The following PTPN14 variants were observed in gnomAD, a reference collection of about 807,000 sequenced individuals.
The protein encoded by PTPN14 is tyrosine-protein phosphatase non-receptor type 14.
Under a neutral mutation model 126.8 loss-of-function variants are expected in PTPN14, and 53 were observed. The observed-to-expected ratio is 0.42, with a 90% CI of 0.34 to 0.53. PTPN14 has a LOEUF of 0.53. Ranked by LOEUF, PTPN14 falls within the 20% of genes least tolerant of loss-of-function variation. PTPN14 has a pLI of 0.08. For synonymous variants in PTPN14, 630 were observed against 599.3 expected, an observed-to-expected ratio of 1.05 and a Z score of -0.75; for missense variants, 1,257 against 1,552.9, an observed-to-expected ratio of 0.81 and a Z score of 3.20.
chr1:214,424,442 A>T (rs1659614347), intron 3 of PTPN14, among the ~76,000 whole-genome samples: 1 of 152,194 alleles, frequency 6.6e-6, no homozygotes, highest in Non-Finnish European at 1.5e-5. Context: ...CAGCAATATG[A>T]GAGATAATTC....
At chr1:214,474,900 G>A (rs1227170833) in intron 1 of PTPN14, among the ~76,000 whole-genome samples, 2 of 152,338 alleles carry the variant, frequency 1.3e-5, no homozygotes, top group East Asian at 3.9e-4. Flanking sequence ...CTTAGAACAT[G>A]CAGGTTTTCA....
chr1:214,542,480 G>A (rs1380965229), intron 1 of PTPN14, among the ~76,000 whole-genome samples: 1 of 152,154 alleles, frequency 6.6e-6, no homozygotes, highest in Non-Finnish European at 1.5e-5. Flanking sequence ...GTTACAGGCA[G>A]GGACATGGGG....
intron 1 of PTPN14, among the ~76,000 whole-genome samples, chr1:214,540,077 T>C (rs956978704): frequency 6.6e-6 from 1 of 152,172 alleles, no homozygotes; most frequent in Non-Finnish European, 1.5e-5. Context: ...TAATATTCCA[T>C]AAGAAATTCC....
rs1268461064 is a variant in PTPN14 at position 214,364,754 on chromosome 1, G to C, written c.3272-79C>G. The C allele has an allele frequency of 8.0e-6, 10 of 1,252,596 alleles. No individual in the cohort carries two copies. The highest frequency in any genetic ancestry group is 5.2e-5 in the African/African-American group (3 of 57,386). The allele number at this position is 1,252,596 out of a possible 1,614,324, so 77.6% of individuals were successfully genotyped here. A position where few individuals can be genotyped will look rare whatever the true frequency, so the allele number is the denominator to read the frequency against. On this transcript the variant is annotated intron_variant, in intron 17 of 18. Transcript: ENST00000366956. This position sits in a 1 kb window ranked among gnomAD's most constrained non-coding sequence, Gnocchi z 4.1. ...AAGTTGGGGAGGGGGGAGCGGAAGA[G>C]AACTGATGGTGAGTGTGTGTGTGTG...
intron 3 of PTPN14, among the ~76,000 whole-genome samples, chr1:214,432,193 G>A (rs1440981331): frequency 1.4e-4 from 21 of 147,070 alleles, no homozygotes; most frequent in African/African-American, 1.3e-4. Context: ...CCTGTCTCAA[G>A]AAAAAAAAAA....
At chr1:214,504,735 G>A (rs1055559368) in intron 1 of PTPN14, among the ~76,000 whole-genome samples, 1 of 152,148 alleles carries the variant, frequency 6.6e-6, no homozygotes, top group Admixed American at 6.5e-5. Flanking sequence ...TTAATCGAGG[G>A]GAGACCAATC....
At chr1:214,497,870 A>G (rs1169433159) in intron 1 of PTPN14, among the ~76,000 whole-genome samples, 1 of 152,214 alleles carries the variant, frequency 6.6e-6, no homozygotes, top group South Asian at 2.1e-4. Context: ...GAAAATATAA[A>G]ACTATATCAG....
In PTPN14 at chr1:214,383,512, C is replaced by T; in HGVS notation, c.2343G>A (p.Leu781=). 1 of 1,614,164 alleles carries T rather than the reference C, an allele frequency of 6.2e-7. No homozygotes were observed. Among genetic ancestry groups the T allele is most frequent in the South Asian group, 1.1e-5 (1 of 91,084 alleles). ...TGATGGCCTTGGCTGGCCCATGCCTCAGCACCCTGGCTCTGGCCATGGCGG... is the reference window on the plus strand; with the variant it reads ...TGATGGCCTTGGCTGGCCCATGCCTTAGCACCCTGGCTCTGGCCATGGCGG... The part of the protein sequence containing the change: ...LPPAMARARV[L]RHGPAKAISM... The change falls in exon 13 of 19, where the codon CTG becomes CTA. Residue 781 remains leucine (L), a synonymous_variant. Transcript: ENST00000366956. The surrounding 1 kb of genome is among the most constrained non-coding windows in gnomAD (Gnocchi z 4.4).
chr1:214,534,496 G>A (rs11582669), intron 1 of PTPN14, among the ~76,000 whole-genome samples: 2,241 of 151,944 alleles, frequency 0.015, 36 homozygotes, highest in Non-Finnish European at 0.021. Flanking sequence ...GGCGGATCAC[G>A]AGGTCAGGAG....
At chr1:214,466,554 G>T (rs1211859570) in intron 1 of PTPN14, among the ~76,000 whole-genome samples, 1 of 152,094 alleles carries the variant, frequency 6.6e-6, no homozygotes, top group Non-Finnish European at 1.5e-5. Context: ...AACAAAAGTG[G>T]CCTTATTGCT....
chr1:214,527,823 T>C (rs929559392), intron 1 of PTPN14, among the ~76,000 whole-genome samples: 7 of 152,240 alleles, frequency 4.6e-5, no homozygotes, highest in African/African-American at 1.4e-4. Flanking sequence ...CTGGTGGTTT[T>C]AAAATGTTTT....
At chr1:214,407,610 C>T (rs1164536747) in intron 5 of PTPN14, among the ~76,000 whole-genome samples, 2 of 152,288 alleles carry the variant, frequency 1.3e-5, no homozygotes, top group East Asian at 3.9e-4. Flanking sequence ...ACCTCATGCA[C>T]TAATATGGAT....
At chr1:214,391,078 A>G in intron 10 of PTPN14, 33 bp from the exon 11 acceptor site, 1 of 1,480,860 alleles carries the variant, frequency 6.8e-7, no homozygotes, top group Non-Finnish European at 9.3e-7. Context: ...GAGAATGGTT[A>G]TTATTATTGA....
At chr1:214,508,880 G>A (rs1461700019) in intron 1 of PTPN14, among the ~76,000 whole-genome samples, 3 of 152,224 alleles carry the variant, frequency 2.0e-5, no homozygotes, top group East Asian at 3.8e-4. Flanking sequence ...TGGGTGACAA[G>A]ATGCATTGTC....
intron 1 of PTPN14, among the ~76,000 whole-genome samples, chr1:214,504,668 C>G (rs1253439553): frequency 1.3e-5 from 2 of 152,124 alleles, no homozygotes; most frequent in Admixed American, 6.5e-5. Flanking sequence ...AAGGCACCAC[C>G]CTGCTAGGCC....
intron 1 of PTPN14, among the ~76,000 whole-genome samples, chr1:214,525,897 C>T (rs989577016): frequency 2.0e-5 from 3 of 151,586 alleles, no homozygotes; most frequent in Admixed American, 2.0e-4. Flanking sequence ...GCCCGTTACA[C>T]ATCTGCCCAG....
chr1:214,479,177 T>A (rs773706795), intron 1 of PTPN14, among the ~76,000 whole-genome samples: 1 of 151,702 alleles, frequency 6.6e-6, no homozygotes, highest in Non-Finnish European at 1.5e-5. Context: ...AAGACCCACA[T>A]CTCTACAAAA....
chr1:214,370,447 A>G (rs1354014609), intron 16 of PTPN14, among the ~76,000 whole-genome samples: 1 of 152,160 alleles, frequency 6.6e-6, no homozygotes, highest in African/African-American at 2.4e-5. Flanking sequence ...GGTTTTAAAC[A>G]AGGCGGGAAG....
rs371323492 is a variant in PTPN14 at position 214,392,799 on chromosome 1, G to A, written c.929+896C>T. ...GTGACTGGCTTGAAAGAGCCTCCAC[G>A]GTGTGGAGAAAAAAGTCTGCCATGA... On this transcript the variant is annotated intron_variant, in intron 10 of 18. Transcript: ENST00000366956. Among the ~76,000 whole-genome samples, 43 of 152,252 alleles carry A rather than the reference G, an allele frequency of 2.8e-4. No individual in the cohort carries two copies. In the East Asian group the frequency reaches 7.4e-3, roughly 26 times the overall value.
Sources: allele counts gnomAD v4.1 joint callset (sites outside exome capture counted in the v4.1 genomes callset), GRCh38; gene constraint gnomAD v4.1.1; non-coding constraint Gnocchi (gnomAD v3.1); transcripts MANE v1.5; gene names NCBI Gene and HGNC (gene_info 2026-07-23, HGNC 2026-07-21).